Variants in MAP9 observed in about 807,000 individuals in gnomAD.
The protein encoded by MAP9 is microtubule associated protein 9.
Under a neutral mutation model 75.2 loss-of-function variants are expected in MAP9, and 80 were observed. The ratio of observed to expected loss-of-function variants is 1.06; its 90% CI spans 0.89 to 1.28. The LOEUF is 1.28. Ranked by LOEUF, MAP9 falls within the 50% of genes most tolerant of loss-of-function variation. The pLI is 0.00. For missense variants in MAP9, 753 were observed against 719.9 expected, an observed-to-expected ratio of 1.05 and a Z score of -0.53; for synonymous variants, 235 against 237.3, an observed-to-expected ratio of 0.99 and a Z score of 0.09.
chr4:155,344,623 AAC>A lies in MAP9; in HGVS notation c.*3158_*3159del, dbSNP rs889302069. The A allele has an allele frequency of 2.0e-5, 3 of 152,010 alleles. No homozygotes were observed. Among genetic ancestry groups the A allele is most frequent in the African/African-American group, 7.2e-5 (3 of 41,444 alleles). 9.4% of individuals were successfully genotyped at this position (152,010 alleles called of 1,614,324 possible). A position where few individuals can be genotyped will look rare whatever the true frequency, so the allele number is the denominator to read the frequency against. On this transcript the variant is annotated 3_prime_UTR_variant, in exon 14 of 14. Coordinates refer to ENST00000311277, the MANE Select transcript of MAP9 (RefSeq NM_001039580.2). Reference sequence around the variant, plus strand: ...TATAACTTTAAACAATAAATGGACTAACACTTTTGAAGTATGAAGCAAATACA... The same window carrying A: ...TATAACTTTAAACAATAAATGGACTAACTTTTGAAGTATGAAGCAAATACA...
intron 13 of MAP9, among the ~76,000 whole-genome samples, chr4:155,349,086 C>CA (rs965137121): frequency 1.3e-5 from 2 of 152,026 alleles, no homozygotes; most frequent in Admixed American, 6.6e-5. Context: ...TTACTTTCAA[C>CA]AAAAAATGGA....
chr4:155,364,496 T>A (rs577204543), intron 5 of MAP9, among the ~76,000 whole-genome samples: 1 of 147,310 alleles, frequency 6.8e-6, no homozygotes, highest in Admixed American at 6.8e-5. Context: ...ATAGAATATA[T>A]ATTACCTATA....
intron 4 of MAP9, among the ~76,000 whole-genome samples, chr4:155,371,668 C>T (rs1439553418): frequency 1.3e-5 from 2 of 151,220 alleles, no homozygotes; most frequent in Non-Finnish European, 2.9e-5. Context: ...CTGATGCCAC[C>T]TTGTGGTTAA....
rs537400712 is a variant in MAP9 at position 155,371,249 on chromosome 4, T to G, written c.481+1887A>C. ...GCATTACTTGCTACTCAGCAATATCTCACCACATTAAAAACATTGAGTTCC... is the reference window on the plus strand; with the variant it reads ...GCATTACTTGCTACTCAGCAATATCGCACCACATTAAAAACATTGAGTTCC... On this transcript the variant is annotated intron_variant, in intron 4 of 13. Coordinates refer to ENST00000311277, the MANE Select transcript of MAP9 (RefSeq NM_001039580.2). Among the ~76,000 whole-genome samples, 104 of 151,864 alleles carry G rather than the reference T, an allele frequency of 6.8e-4. 1 individual carries two copies. The South Asian group carries it at 0.02, about 29-fold the overall frequency.
At chr4:155,359,729 C>A (rs558599717) in intron 7 of MAP9, among the ~76,000 whole-genome samples, 1 of 152,082 alleles carries the variant, frequency 6.6e-6, no homozygotes, top group South Asian at 2.1e-4. Context: ...TTTAAAGAAG[C>A]ACAGATGTTG....
intron 5 of MAP9, chr4:155,362,682 CTGATA>C: frequency 6.6e-6 from 1 of 152,410 alleles, no homozygotes; most frequent in East Asian, 1.9e-4. Flanking sequence ...AAAATTCTAT[CTGATA>C]TGAAATAATT....
Position 155,353,700 on chromosome 4 carries a change from G to GA in MAP9, c.1381-361dup, listed in dbSNP as rs962801096. Among the ~76,000 whole-genome samples, 116 of 150,394 alleles carry GA rather than the reference G, an allele frequency of 7.7e-4. 1 individual carries two copies. Among genetic ancestry groups the GA allele is most frequent in the Admixed American group, 2.9e-3 (44 of 15,074 alleles). ...GTAAAATTTTCATAATAAAATATTT[G>GA]AAAAAAAAATCAGTAAAGTTATGGG... On this transcript the variant is annotated intron_variant, in intron 10 of 13. Transcript: ENST00000311277.
chr4:155,360,734 A>G (rs1437189458), intron 6 of MAP9, among the ~76,000 whole-genome samples: 2 of 152,052 alleles, frequency 1.3e-5, no homozygotes, highest in East Asian at 3.8e-4. Flanking sequence ...CAAGTAAGTG[A>G]GATGACAATA....
intron 8 of MAP9, among the ~76,000 whole-genome samples, chr4:155,356,515 G>A (rs1731795302): frequency 6.6e-6 from 1 of 151,922 alleles, no homozygotes; most frequent in South Asian, 2.1e-4. Flanking sequence ...CAAGTTACAT[G>A]GAAAAAACAA....
intron 5 of MAP9, chr4:155,367,163 G>A (rs764238701): frequency 3.3e-5 from 5 of 152,112 alleles, no homozygotes; most frequent in Non-Finnish European, 7.4e-5. Context: ...AGGAAATAAG[G>A]TGTTTACAGC....
intron 7 of MAP9, 64 bp downstream of exon 7, chr4:155,360,104 A>G (rs1372394569): frequency 2.0e-6 from 3 of 1,474,224 alleles, no homozygotes; most frequent in Admixed American, 1.9e-5. Flanking sequence ...AGAAGATAAA[A>G]TTTCTTAAAG....
In MAP9 at chr4:155,346,930, A is replaced by G. The variant is rs1731307130; in HGVS notation, c.*853T>C. 1 of 152,584 alleles carries G rather than the reference A, an allele frequency of 6.6e-6. No individual in the cohort carries two copies. The highest frequency in any genetic ancestry group is 2.1e-4 in the South Asian group (1 of 4,830). The allele number at this position is 152,584 out of a possible 1,614,324, so 9.5% of individuals were successfully genotyped here. A position where few individuals can be genotyped will look rare whatever the true frequency, so the allele number is the denominator to read the frequency against. On this transcript the variant is annotated 3_prime_UTR_variant, in exon 14 of 14. Coordinates refer to ENST00000311277, the MANE Select transcript of MAP9 (RefSeq NM_001039580.2). The stretch of plus-strand genomic sequence containing the variant: ...GCTGTCTGCTGAATATAAGCTATAA[A>G]ACAGGACTAGCTAAGATGACAATAA...
intron 5 of MAP9, chr4:155,363,050 G>T (rs1042488323): frequency 1.3e-5 from 2 of 152,098 alleles, no homozygotes; most frequent in Non-Finnish European, 2.9e-5. Context: ...CTGAGTCTAG[G>T]ACCATCAGAT....
chr4:155,357,561 C>T (rs758626960), intron 7 of MAP9, 42 bp from the exon 8 acceptor site: 2 of 1,234,144 alleles, frequency 1.6e-6, no homozygotes, highest in South Asian at 2.5e-5. Context: ...TTCATGACAA[C>T]TATCCTTTTT....
rs1445233410 is a variant in MAP9 at position 155,362,102 on chromosome 4, G to T, written c.748C>A (p.Gln250Lys). Reference sequence around the variant, plus strand: ...GGTGAAAAAGAATCTCCAAGAATTTGTTTAAGTGATGATGATGCTAGACTT... The same window carrying T: ...GGTGAAAAAGAATCTCCAAGAATTTTTTTAAGTGATGATGATGCTAGACTT... ...LTSLASSSLK[Q>K]ILGDSFSPGS... Residue 250 changes from glutamine (Q) to lysine (K), a missense_variant, in exon 6 of 14, where the codon CAA becomes AAA. Physicochemically the swap from Gln to Lys is moderately conservative, Grantham distance 53 (BLOSUM62 1). Transcript: ENST00000311277. 1.9e-6 allele frequency: 3 copies of T among 1,597,946 alleles called. No homozygotes were observed. Among genetic ancestry groups the T allele is most frequent in the South Asian group, 2.3e-5 (2 of 87,444 alleles).
At chr4:155,369,571 T>C (rs757354727) in intron 4 of MAP9, among the ~76,000 whole-genome samples, 5 of 152,180 alleles carry the variant, frequency 3.3e-5, no homozygotes, top group Admixed American at 6.5e-5. Context: ...TACACGTTAC[T>C]AAACCTCATA....
chr4:155,360,369 A>C lies in MAP9; in HGVS notation c.849T>G (p.Asp283Glu), dbSNP rs1732016139. 1 of 1,612,498 alleles carries C rather than the reference A, an allele frequency of 6.2e-7. No homozygotes were observed. Among genetic ancestry groups the C allele is most frequent in the Non-Finnish European group, 8.5e-7 (1 of 1,179,090 alleles). The change falls in exon 7 of 14, where the codon GAT becomes GAG. Residue 283 changes from aspartate (D) to glutamate (E), a missense_variant. Physicochemically the swap from Asp to Glu is conservative, Grantham distance 45. Transcript: ENST00000311277. ...CTGAAAATGAATTCTCTTTATTTTC[A>C]TCTGATTTCAAGGAATTATGGTTTT... is the stretch of plus-strand genomic sequence containing the variant. ...ITENHNSLKSDENKENSFSAD... is the reference protein window; with the variant it reads ...ITENHNSLKSEENKENSFSAD...
rs1370805044 is a variant in MAP9, at chr4:155,346,932, C to T, written c.*851G>A. On this transcript the variant is annotated 3_prime_UTR_variant, in exon 14 of 14. Coordinates refer to ENST00000311277, the MANE Select transcript of MAP9 (RefSeq NM_001039580.2). ...TGTCTGCTGAATATAAGCTATAAAA[C>T]AGGACTAGCTAAGATGACAATAATT... 6.6e-6 allele frequency: 1 copy of T among 152,512 alleles called. No homozygotes were observed. The highest frequency in any genetic ancestry group is 1.5e-5 in the Non-Finnish European group (1 of 68,022). 9.4% of individuals were successfully genotyped at this position (152,512 alleles called of 1,614,324 possible). A position where few individuals can be genotyped will look rare whatever the true frequency, so the allele number is the denominator to read the frequency against.
intron 5 of MAP9, among the ~76,000 whole-genome samples, chr4:155,366,180 G>A (rs967284560): frequency 3.3e-5 from 5 of 152,030 alleles, no homozygotes; most frequent in Non-Finnish European, 4.4e-5. Context: ...CTAACGCGGT[G>A]AAACCCCGTC....
Sources: gnomAD v4.1 joint callset for allele counts (sites outside exome capture counted in the v4.1 genomes callset) on GRCh38, gnomAD v4.1.1 for gene constraint, MANE v1.5 for transcripts, NCBI Gene and HGNC (gene_info 2026-07-23, HGNC 2026-07-21) for gene names.